QTMAN: variants seen among roughly 807,000 people sequenced by gnomAD.
The protein encoded by QTMAN is tRNA-queuosine alpha-mannosyltransferase.
chr2:144,239,172 GA>G, the QTMAN span, among the ~76,000 whole-genome samples: 11 of 125,198 alleles, frequency 8.8e-5, no homozygotes, highest in Admixed American at 2.4e-4. Flanking sequence ...AAAAAGAAAA[GA>G]AAAAAAAGAA....
At chr2:143,989,470 C>A in the QTMAN span, among the ~76,000 whole-genome samples, 2 of 152,116 alleles carry the variant, frequency 1.3e-5, no homozygotes, top group African/African-American at 4.8e-5. Context: ...CTCCTCCAAT[C>A]ACCAGCCCTC....
the QTMAN span, among the ~76,000 whole-genome samples, chr2:144,030,602 T>G: frequency 6.6e-6 from 1 of 152,170 alleles, no homozygotes; most frequent in Non-Finnish European, 1.5e-5. Flanking sequence ...GACTTAAGGC[T>G]GGTTCTCTAA....
chr2:144,251,074 G>A, the QTMAN span, among the ~76,000 whole-genome samples: 1 of 151,944 alleles, frequency 6.6e-6, no homozygotes, highest in Non-Finnish European at 1.5e-5. Flanking sequence ...GAGCCACTTT[G>A]TATAAAAGTA....
chr2:144,229,141 T>G, the QTMAN span, among the ~76,000 whole-genome samples: 13 of 152,354 alleles, frequency 8.5e-5, no homozygotes, highest in African/African-American at 3.1e-4. Context: ...TAATATTCCA[T>G]CTATCTCTAG....
chr2:144,139,660 C>T, the QTMAN span, among the ~76,000 whole-genome samples: 2 of 151,880 alleles, frequency 1.3e-5, no homozygotes, highest in African/African-American at 2.4e-5. Flanking sequence ...CTGGTCATTG[C>T]GAGTGAGGCA....
At chr2:144,295,373 C>T in the QTMAN span, 2 of 152,304 alleles carry the variant, frequency 1.3e-5, no homozygotes, top group South Asian at 4.1e-4. Context: ...CCACTGTATC[C>T]CCAGTGCCTG....
the QTMAN span, among the ~76,000 whole-genome samples, chr2:144,292,828 G>A: frequency 1.4e-4 from 21 of 151,964 alleles, no homozygotes; most frequent in Admixed American, 9.8e-4. Context: ...TTAATAACAG[G>A]TCCTATCAAT....
At chr2:144,145,489 G>T in the QTMAN span, 1 of 928,554 alleles carries the variant, frequency 1.1e-6, no homozygotes, top group Non-Finnish European at 1.7e-6. Flanking sequence ...GTGTACAATA[G>T]TAGGTCTCCA....
At chr2:144,008,840 T>C in the QTMAN span, among the ~76,000 whole-genome samples, 3 of 152,010 alleles carry the variant, frequency 2.0e-5, no homozygotes, top group Non-Finnish European at 4.4e-5. Context: ...TGTCACATCA[T>C]AGGTCACTGG....
chr2:144,026,128 A>C, the QTMAN span, among the ~76,000 whole-genome samples: 1 of 152,194 alleles, frequency 6.6e-6, no homozygotes, highest in Non-Finnish European at 1.5e-5. Flanking sequence ...AAAGGTAGAA[A>C]CCACAAAAGA....
At chr2:144,203,325 T>C in the QTMAN span, among the ~76,000 whole-genome samples, 1 of 152,120 alleles carries the variant, frequency 6.6e-6, no homozygotes, top group African/African-American at 2.4e-5. Flanking sequence ...TTCAGTAGAT[T>C]TGTGGTCAGC....
chr2:144,332,754 G>T, the QTMAN span, among the ~76,000 whole-genome samples: 1 of 152,036 alleles, frequency 6.6e-6, no homozygotes, highest in Non-Finnish European at 1.5e-5. Flanking sequence ...CTGTCCCCCG[G>T]CCTCGCACTG....
chr2:144,083,168 T>C, the QTMAN span, among the ~76,000 whole-genome samples: 1 of 152,240 alleles, frequency 6.6e-6, no homozygotes, highest in East Asian at 1.9e-4. Context: ...ACTAGGAATG[T>C]GGTCTGCGGA....
chr2:144,075,021 G>A, the QTMAN span, among the ~76,000 whole-genome samples: 2,224 of 152,300 alleles, frequency 0.015, 29 homozygotes, highest in Non-Finnish European at 0.018. Flanking sequence ...GTTGGAAAGC[G>A]CAATTAACTT....
At chr2:144,068,649 T>C in the QTMAN span, among the ~76,000 whole-genome samples, 2 of 152,224 alleles carry the variant, frequency 1.3e-5, no homozygotes, top group East Asian at 1.9e-4. Context: ...ACAATCTTTT[T>C]TGTAATTGTA....
chr2:144,167,222 G>C, the QTMAN span, among the ~76,000 whole-genome samples: 2 of 151,914 alleles, frequency 1.3e-5, no homozygotes, highest in Non-Finnish European at 2.9e-5. Flanking sequence ...ACTATCAGAA[G>C]GGTTTGTCTT....
the QTMAN span, among the ~76,000 whole-genome samples, chr2:144,284,184 C>T: frequency 2.0e-5 from 3 of 151,852 alleles, no homozygotes; most frequent in African/African-American, 7.2e-5. Context: ...AGAAATATAA[C>T]AAATTAATCA....
the QTMAN span, among the ~76,000 whole-genome samples, chr2:144,155,039 G>T: frequency 6.6e-6 from 1 of 152,114 alleles, no homozygotes; most frequent in African/African-American, 2.4e-5. Context: ...AAAACAAGCT[G>T]GGAAGCATCC....
the QTMAN span, among the ~76,000 whole-genome samples, chr2:144,149,727 A>C: frequency 6.6e-6 from 1 of 152,044 alleles, no homozygotes; most frequent in Admixed American, 6.6e-5. Flanking sequence ...TCCAATACAC[A>C]TTGTATCTAC....
Sources: allele counts gnomAD v4.1 joint callset (sites outside exome capture counted in the v4.1 genomes callset), GRCh38; gene constraint gnomAD v4.1.1; transcripts MANE v1.5; gene names NCBI Gene and HGNC (gene_info 2026-07-23, HGNC 2026-07-21).